GDI2: variants seen among roughly 807,000 people sequenced by gnomAD.
GDI2 encodes the protein GDP dissociation inhibitor 2.
GDI2 carries 22 observed loss-of-function variants against 54.2 expected under a neutral mutation model. The observed-to-expected ratio is 0.41, with a 90% CI of 0.29 to 0.58. The LOEUF (loss-of-function observed/expected upper bound fraction) is 0.58. Ranked by LOEUF, GDI2 falls within the 20% of genes least tolerant of loss-of-function variation. GDI2 has a pLI of 0.35. For missense variants in GDI2, 422 were observed against 546.0 expected, an observed-to-expected ratio of 0.77 and a Z score of 2.26; for synonymous variants, 177 against 182.1, an observed-to-expected ratio of 0.97 and a Z score of 0.23.
At chr10:5,809,124 A>T (rs993020708) in intron 1 of GDI2, among the ~76,000 whole-genome samples, 1 of 152,012 alleles carries the variant, frequency 6.6e-6, no homozygotes, top group African/African-American at 2.4e-5. Context: ...AGGCACCTGT[A>T]ATCCCAGCTA....
At chr10:5,810,725 C>T (rs1841465995) in intron 1 of GDI2, among the ~76,000 whole-genome samples, 1 of 152,186 alleles carries the variant, frequency 6.6e-6, no homozygotes, top group African/African-American at 2.4e-5. Context: ...AAAAGCTGTG[C>T]TCTTTAGAGA....
In GDI2 at chr10:5,768,461, G is replaced by T; in HGVS notation, c.820-77C>A. On this transcript the variant is annotated intron_variant, in intron 7 of 10. Transcript: ENST00000380191. This position sits in a 1 kb window ranked among gnomAD's most constrained non-coding sequence, Gnocchi z 4.4. Reference sequence around the variant, plus strand: ...CACATCCCATGTTCATAGTTTGGAAGACTTAGTATTGTTAAGATATCAAAA... The same window carrying T: ...CACATCCCATGTTCATAGTTTGGAATACTTAGTATTGTTAAGATATCAAAA... The T allele has an allele frequency of 1.1e-6, 1 of 930,624 alleles. No homozygotes were observed. Among genetic ancestry groups the T allele is most frequent in the Non-Finnish European group, 1.7e-6 (1 of 595,402 alleles). 57.6% of individuals were successfully genotyped at this position (930,624 alleles called of 1,614,324 possible).
rs879825863 is a variant in GDI2, at chr10:5,790,416, G to GGTGGATCACCTGAAATCA, written c.389-4384_389-4367dup. Reference sequence around the variant, plus strand: ...CCCAGCACGTTGGGAGAACGAGGCAGGTGGATCACCTGAAATCAGAAGTTC... The same window carrying GGTGGATCACCTGAAATCA: ...CCCAGCACGTTGGGAGAACGAGGCAGGTGGATCACCTGAAATCAGTGGATCACCTGAAATCAGAAGTTC... On this transcript the variant is annotated intron_variant, in intron 4 of 10. Coordinates refer to ENST00000380191, the MANE Select transcript of GDI2 (RefSeq NM_001494.4). Among the ~76,000 whole-genome samples, 936 of 152,216 alleles carry GGTGGATCACCTGAAATCA rather than the reference G, an allele frequency of 6.1e-3. 29 individuals are homozygous for GGTGGATCACCTGAAATCA. The highest frequency in any genetic ancestry group is 0.057 in the Admixed American group (868 of 15,280).
chr10:5,806,100 C>A (rs1564400041), intron 1 of GDI2, among the ~76,000 whole-genome samples: 2 of 152,200 alleles, frequency 1.3e-5, no homozygotes, highest in Non-Finnish European at 2.9e-5. Context: ...ACAGATATTA[C>A]CAAACAGCTT....
chr10:5,804,038 G>A (rs115100498), intron 1 of GDI2, among the ~76,000 whole-genome samples: 1,995 of 151,614 alleles, frequency 0.013, 52 homozygotes, highest in African/African-American at 0.045. Context: ...TTTCTTAAAT[G>A]TCTTAAATTA....
intron 2 of GDI2, among the ~76,000 whole-genome samples, chr10:5,797,477 A>AGAGGTTGCAGTGAGCC (rs1052902169): frequency 6.8e-5 from 10 of 147,532 alleles, no homozygotes; most frequent in Admixed American, 2.1e-4. Context: ...CATGCGAGGC[A>AGAGGTTGCAGTGAGCC]GAGGTTGCAG....
At chr10:5,772,356 T>C (rs561721927) in intron 7 of GDI2, among the ~76,000 whole-genome samples, 1 of 152,216 alleles carries the variant, frequency 6.6e-6, no homozygotes, top group Non-Finnish European at 1.5e-5. Context: ...CTTTTGTGCT[T>C]TGTAACTTCA....
At chr10:5,811,924 G>C (rs1220404365) in intron 1 of GDI2, 1 of 1,146,614 alleles carries the variant, frequency 8.7e-7, no homozygotes. Context: ...CTCTTGCCTA[G>C]AGACATCTAA....
At chr10:5,802,830 G>A (rs1841299408) in intron 1 of GDI2, among the ~76,000 whole-genome samples, 1 of 152,130 alleles carries the variant, frequency 6.6e-6, no homozygotes, top group South Asian at 2.1e-4. Context: ...GGAAAAAAGA[G>A]GAATTCAAAG....
chr10:5,775,028 G>A (rs912229868), intron 6 of GDI2, among the ~76,000 whole-genome samples: 5 of 152,190 alleles, frequency 3.3e-5, no homozygotes, highest in Admixed American at 2.0e-4. Context: ...AGTGGTTCAC[G>A]CCTAATGCCA....
chr10:5,800,807 C>A, intron 1 of GDI2, 102 bp from the exon 2 acceptor site: 5 of 711,446 alleles, frequency 7.0e-6, no homozygotes, highest in South Asian at 3.0e-5. Context: ...AGTAATTACA[C>A]TTATATTCAT....
intron 2 of GDI2, among the ~76,000 whole-genome samples, chr10:5,798,574 G>C (rs1841197898): frequency 7.0e-6 from 1 of 143,506 alleles, no homozygotes; most frequent in African/African-American, 2.6e-5. Context: ...GGGTGACAGA[G>C]AAAGACTCCA....
At chr10:5,781,975 T>G (rs1448482750) in intron 6 of GDI2, among the ~76,000 whole-genome samples, 1 of 152,212 alleles carries the variant, frequency 6.6e-6, no homozygotes, top group Non-Finnish European at 1.5e-5. Flanking sequence ...ATCATGCCAG[T>G]GCAGTCTAGC....
rs1039492880 is a variant in GDI2, at chr10:5,768,589, A to G, written c.820-205T>C. ...AAGCTGGAGGACTCACTCACTAAAA[A>G]GCTACAGTGATCAATTCAGTGTGGT... On this transcript the variant is annotated intron_variant, in intron 7 of 10. Coordinates refer to ENST00000380191, the MANE Select transcript of GDI2 (RefSeq NM_001494.4). The surrounding 1 kb of genome is among the most constrained non-coding windows in gnomAD (Gnocchi z 4.4). The G allele has an allele frequency of 6.8e-5, 38 of 559,902 alleles. No homozygotes were observed. The highest frequency in any genetic ancestry group is 1.1e-4 in the Non-Finnish European group (35 of 314,160). 34.7% of individuals were successfully genotyped at this position (559,902 alleles called of 1,614,324 possible). A position where few individuals can be genotyped will look rare whatever the true frequency, so the allele number is the denominator to read the frequency against.
chr10:5,794,153 C>T (rs1212303375), intron 4 of GDI2, among the ~76,000 whole-genome samples: 6 of 117,064 alleles, frequency 5.1e-5, no homozygotes, highest in South Asian at 2.8e-4. Context: ...GGTGACAGAG[C>T]GAGACTCTGT....
intron 1 of GDI2, among the ~76,000 whole-genome samples, chr10:5,804,659 AGAGAT>A (rs1386558700): frequency 6.6e-6 from 1 of 152,218 alleles, no homozygotes; most frequent in Non-Finnish European, 1.5e-5. Context: ...AAAGGTCCCC[AGAGAT>A]GAGACAAATC....
chr10:5,797,977 T>C (rs1041876134), intron 2 of GDI2, among the ~76,000 whole-genome samples: 1 of 152,246 alleles, frequency 6.6e-6, no homozygotes, highest in Non-Finnish European at 1.5e-5. Flanking sequence ...AGTTCATTTA[T>C]AATTTTTGAG....
chr10:5,770,462 TG>T (rs1840460925), intron 7 of GDI2, among the ~76,000 whole-genome samples: 1 of 151,944 alleles, frequency 6.6e-6, no homozygotes, highest in Non-Finnish European at 1.5e-5. Context: ...CTGGGGAGGC[TG>T]AGGCAGGAGA....
At chr10:5,812,090 C>T (rs573563700) in intron 1 of GDI2, 3 of 185,134 alleles carry the variant, frequency 1.6e-5, no homozygotes, top group African/African-American at 4.8e-5. Flanking sequence ...AGATTTACAT[C>T]AGTATTCATC....
Sources: gnomAD v4.1 joint callset for allele counts (sites outside exome capture counted in the v4.1 genomes callset) on GRCh38, gnomAD v4.1.1 for gene constraint, Gnocchi (gnomAD v3.1) non-coding constraint, MANE v1.5 for transcripts, NCBI Gene and HGNC (gene_info 2026-07-23, HGNC 2026-07-21) for gene names.